TTC7B: variants seen among roughly 807,000 people sequenced by gnomAD.
TTC7B encodes tetratricopeptide repeat protein 7B.
A neutral mutation model predicts 106.8 loss-of-function variants in TTC7B; 28 were observed. The ratio of observed to expected loss-of-function variants is 0.26; its 90% CI spans 0.19 to 0.36. TTC7B has a LOEUF of 0.36. Ranked by LOEUF, TTC7B falls within the 10% of genes least tolerant of loss-of-function variation. The pLI, the probability that TTC7B is intolerant of heterozygous loss-of-function variation, is 1.00. For missense variants in TTC7B, 862 were observed against 1,076.4 expected, an observed-to-expected ratio of 0.80 and a Z score of 2.79; for synonymous variants, 405 against 430.6, an observed-to-expected ratio of 0.94 and a Z score of 0.74.
rs540558091 is a variant in TTC7B, at chr14:90,715,478, T to A, written c.698+14597A>T. Among the ~76,000 whole-genome samples the A allele has an allele frequency of 1.1e-4, 17 of 152,316 alleles. No homozygotes were observed. In the East Asian group the frequency reaches 3.3e-3, roughly 29 times the overall value. On this transcript the variant is annotated intron_variant, in intron 5 of 19. Transcript: ENST00000328459. ...CTGTAGGGTTTGATTTATTTATTTA[T>A]CAAACCCTTACATAGTACTTGCTAT...
intron 3 of TTC7B, among the ~76,000 whole-genome samples, chr14:90,749,368 T>G (rs1194941915): frequency 6.6e-6 from 1 of 151,656 alleles, no homozygotes; most frequent in Non-Finnish European, 1.5e-5. Context: ...TACAGATCAC[T>G]TATGGTCTTT....
At chr14:90,723,633 G>T (rs8018904) in intron 5 of TTC7B, among the ~76,000 whole-genome samples, 21,264 of 152,110 alleles carry the variant, frequency 0.14, 2,355 homozygotes, top group African/African-American at 0.31. Flanking sequence ...TTCTCACCCT[G>T]CAAGTCTTGG....
Position 90,657,407 on chromosome 14 carries a change from G to A in TTC7B, c.1237-129C>T, listed in dbSNP as rs1378625128. The A allele has an allele frequency of 1.8e-5, 14 of 778,370 alleles. No individual in the cohort carries two copies. Among genetic ancestry groups the A allele is most frequent in the Non-Finnish European group, 2.9e-5 (14 of 488,752 alleles). 48.2% of individuals were successfully genotyped at this position (778,370 alleles called of 1,614,324 possible). A position where few individuals can be genotyped will look rare whatever the true frequency, so the allele number is the denominator to read the frequency against. The stretch of plus-strand genomic sequence containing the variant: ...CTTGTCCAACTTTAAGCCCAAGCAA[G>A]CGGGGGCCTGAGGTGCATGAAAACC... On this transcript the variant is annotated intron_variant, in intron 10 of 19. Coordinates refer to ENST00000328459, the MANE Select transcript of TTC7B (RefSeq NM_001010854.2). This position sits in a 1 kb window ranked among gnomAD's most constrained non-coding sequence, Gnocchi z 4.2.
At chr14:90,543,927 G>A (rs1889710632) in intron 19 of TTC7B, among the ~76,000 whole-genome samples, 1 of 152,234 alleles carries the variant, frequency 6.6e-6, no homozygotes, top group Non-Finnish European at 1.5e-5. Context: ...GCAGGAATGT[G>A]CCTGCCTTGA....
chr14:90,609,011 C>T (rs1892769356), intron 17 of TTC7B, among the ~76,000 whole-genome samples: 1 of 152,192 alleles, frequency 6.6e-6, no homozygotes, highest in Admixed American at 6.5e-5. Context: ...TAGTGAGTTT[C>T]ACTTCCTTCT....
rs2030565969 is a variant in TTC7B, at chr14:90,805,732, G to C, written c.121+10443C>G. On this transcript the variant is annotated intron_variant, in intron 1 of 19. Coordinates refer to ENST00000328459, the MANE Select transcript of TTC7B (RefSeq NM_001010854.2). This position sits in a 1 kb window ranked among gnomAD's most constrained non-coding sequence, Gnocchi z 4.0. Reference sequence around the variant, plus strand: ...GAGATAAAGCCTGAAGCCGAATAGAGACCACTAGTGAGACTCTCATCAAAG... The same window carrying C: ...GAGATAAAGCCTGAAGCCGAATAGACACCACTAGTGAGACTCTCATCAAAG... Among the ~76,000 whole-genome samples the C allele has an allele frequency of 6.6e-6, 1 of 152,256 alleles. No individual in the cohort carries two copies. Among genetic ancestry groups the C allele is most frequent in the Admixed American group, 6.5e-5 (1 of 15,292 alleles).
At chr14:90,782,086 G>A (rs1213845311) in intron 2 of TTC7B, among the ~76,000 whole-genome samples, 5 of 152,186 alleles carry the variant, frequency 3.3e-5, no homozygotes, top group Non-Finnish European at 7.4e-5. Flanking sequence ...CAGGTAGCCA[G>A]GTACAGCGTG....
chr14:90,767,094 C>T (rs1048505711), intron 3 of TTC7B: 2 of 624,598 alleles, frequency 3.2e-6, no homozygotes, highest in African/African-American at 1.9e-5. Flanking sequence ...TAGCTCACAC[C>T]TGTAACTGCA....
intron 15 of TTC7B, among the ~76,000 whole-genome samples, chr14:90,626,372 C>T (rs1000030651): frequency 2.0e-5 from 3 of 152,208 alleles, no homozygotes; most frequent in African/African-American, 7.2e-5. Flanking sequence ...GAACAGAATG[C>T]TTCCTTCCTT....
chr14:90,580,612 GC>G (rs774558278), intron 18 of TTC7B, among the ~76,000 whole-genome samples: 3 of 152,230 alleles, frequency 2.0e-5, no homozygotes, highest in Non-Finnish European at 4.4e-5. Flanking sequence ...CCTTGCTAGT[GC>G]TGCTTCTGCA....
At chr14:90,751,800 G>A (rs964597155) in intron 3 of TTC7B, among the ~76,000 whole-genome samples, 3 of 151,948 alleles carry the variant, frequency 2.0e-5, no homozygotes, top group African/African-American at 7.3e-5. Flanking sequence ...CCCCTTCCAT[G>A]TGCCTGTTTG....
chr14:90,614,532 G>A (rs1892992849), intron 16 of TTC7B, among the ~76,000 whole-genome samples: 2 of 152,184 alleles, frequency 1.3e-5, no homozygotes, highest in Admixed American at 6.5e-5. Flanking sequence ...GGAAAGAATT[G>A]GTTAACAATA....
intron 6 of TTC7B, among the ~76,000 whole-genome samples, chr14:90,692,492 TATGA>T (rs1887513624): frequency 6.6e-6 from 1 of 152,254 alleles, no homozygotes; most frequent in Non-Finnish European, 1.5e-5. Context: ...AAACACTGCT[TATGA>T]ATGTCATTAG....
intron 17 of TTC7B, among the ~76,000 whole-genome samples, chr14:90,597,353 C>G (rs1892245454): frequency 6.6e-6 from 1 of 152,130 alleles, no homozygotes; most frequent in South Asian, 2.1e-4. Flanking sequence ...ATGGATACAG[C>G]TGGTTAAAAA....
At chr14:90,664,934 G>A (rs974044925) in intron 9 of TTC7B, among the ~76,000 whole-genome samples, 1 of 152,334 alleles carries the variant, frequency 6.6e-6, no homozygotes, top group African/African-American at 2.4e-5. Flanking sequence ...CAGATGAAGG[G>A]GAGAATGAGA....
chr14:90,662,521 G>T (rs1310067281), intron 9 of TTC7B, among the ~76,000 whole-genome samples: 4 of 152,194 alleles, frequency 2.6e-5, no homozygotes, highest in Non-Finnish European at 5.9e-5. Flanking sequence ...CCAACAAGTT[G>T]TAGAGCTTCT....
intron 5 of TTC7B, among the ~76,000 whole-genome samples, chr14:90,726,946 A>C (rs1889126577): frequency 6.6e-6 from 1 of 151,964 alleles, no homozygotes; most frequent in Non-Finnish European, 1.5e-5. Context: ...GAGGTGGAGG[A>C]AGTTACCGGC....
chr14:90,736,958 G>T (rs1889558641), intron 4 of TTC7B, among the ~76,000 whole-genome samples: 2 of 149,602 alleles, frequency 1.3e-5, no homozygotes, highest in African/African-American at 2.5e-5. Flanking sequence ...ATGGAAAATG[G>T]TTGAAAGTTA....
At chr14:90,788,405 C>T (rs1891464209) in intron 1 of TTC7B, among the ~76,000 whole-genome samples, 1 of 152,124 alleles carries the variant, frequency 6.6e-6, no homozygotes, top group South Asian at 2.1e-4. Context: ...TAGGCAAAGG[C>T]CTGAGTGTTT....
Sources: gnomAD v4.1 joint callset for allele counts (sites outside exome capture counted in the v4.1 genomes callset) on GRCh38, gnomAD v4.1.1 for gene constraint, Gnocchi (gnomAD v3.1) non-coding constraint, MANE v1.5 for transcripts, NCBI Gene and HGNC (gene_info 2026-07-23, HGNC 2026-07-21) for gene names.